The following MSRA variants were observed in gnomAD, a reference collection of about 807,000 sequenced individuals.
MSRA encodes the protein methionine sulfoxide reductase A.
In MSRA, 54 loss-of-function variants were observed where a neutral mutation model predicts 31.3. That is an observed-to-expected ratio of 1.73 (90% CI 1.39 to 2.17). MSRA has a LOEUF of 2.17. MSRA is among the 30% of genes most tolerant of loss of function. The probability of loss-of-function intolerance (pLI) is 0.00; values close to 1 mark genes in which losing one functional copy is unlikely to be tolerated. For missense variants in MSRA, 507 were observed against 300.9 expected (o/e 1.69, Z -5.07); for synonymous variants, 169 against 116.5 (o/e 1.45, Z -2.90).
intron 3 of MSRA, among the ~76,000 whole-genome samples, chr8:10,261,539 C>CT (rs547773582): frequency 9.2e-5 from 14 of 151,626 alleles, no homozygotes; most frequent in East Asian, 1.9e-4. Context: ...TCTACAAAAC[C>CT]TTTTTTTTAA....
intron 1 of MSRA, among the ~76,000 whole-genome samples, chr8:10,117,994 G>A (rs569584854): frequency 6.6e-6 from 1 of 152,268 alleles, no homozygotes; most frequent in Non-Finnish European, 1.5e-5. Flanking sequence ...CTCTGAGAGA[G>A]GTTTAATTTT....
At chr8:10,283,299 C>T (rs544714504) in intron 3 of MSRA, among the ~76,000 whole-genome samples, 1 of 152,194 alleles carries the variant, frequency 6.6e-6, no homozygotes, top group South Asian at 2.1e-4. Context: ...AAAAATTGCA[C>T]ATCATTTTTA....
rs146116716 is a variant in MSRA, at chr8:10,411,716, A to G, written c.544-16432A>G. Among the ~76,000 whole-genome samples the G allele has an allele frequency of 5.9e-3, 904 of 152,186 alleles. 10 individuals are homozygous for G. Among genetic ancestry groups the G allele is most frequent in the African/African-American group, 0.021 (853 of 41,562 alleles). ...ACCTTTATTGTCTTAATCAGTGAAT[A>G]AAAAAAATAAAGTTGCTAAGTCTCA... On this transcript the variant is annotated intron_variant, in intron 5 of 5. Transcript: ENST00000317173.
chr8:10,245,075 T>C (rs778267805), intron 2 of MSRA, 29 bp from the exon 3 acceptor site: 9 of 1,607,040 alleles, frequency 5.6e-6, no homozygotes, highest in African/African-American at 4.0e-5. Context: ...ATAATCAGTA[T>C]CCTTTTTTTT....
chr8:10,281,679 A>G (rs540546482), intron 3 of MSRA, among the ~76,000 whole-genome samples: 2 of 152,298 alleles, frequency 1.3e-5, no homozygotes, highest in African/African-American at 4.8e-5. Context: ...TCAAATCTAC[A>G]CAATGACCGG....
intron 3 of MSRA, among the ~76,000 whole-genome samples, chr8:10,258,203 G>A (rs1359856081): frequency 6.6e-6 from 1 of 152,158 alleles, no homozygotes; most frequent in Non-Finnish European, 1.5e-5. Context: ...CAGAATGGAC[G>A]CAGGGACAGT....
At chr8:10,213,688 G>A (rs1033234011) in intron 2 of MSRA, among the ~76,000 whole-genome samples, 1 of 151,488 alleles carries the variant, frequency 6.6e-6, no homozygotes, top group East Asian at 1.9e-4. Context: ...TGCCTGCCTC[G>A]GCCTCCCCAG....
chr8:10,401,242 A>G (rs1442316113), intron 5 of MSRA, among the ~76,000 whole-genome samples: 2 of 152,352 alleles, frequency 1.3e-5, no homozygotes, highest in East Asian at 3.9e-4. Flanking sequence ...AAAATGGGCA[A>G]GGGACTTTGA....
intron 3 of MSRA, among the ~76,000 whole-genome samples, chr8:10,247,041 C>T (rs1269783584): frequency 6.6e-6 from 1 of 152,184 alleles, no homozygotes; most frequent in Admixed American, 6.5e-5. Context: ...TATCCTCAAG[C>T]AGCAAAATGT....
At chr8:10,072,262 G>T (rs1016203559) in intron 1 of MSRA, among the ~76,000 whole-genome samples, 4 of 151,830 alleles carry the variant, frequency 2.6e-5, no homozygotes, top group Admixed American at 2.6e-4. Context: ...AGGCCACTGA[G>T]TGGGGGCTGA....
intron 4 of MSRA, among the ~76,000 whole-genome samples, chr8:10,305,534 C>G (rs937849996): frequency 2.6e-5 from 4 of 151,924 alleles, no homozygotes; most frequent in Non-Finnish European, 5.9e-5. Context: ...CTGCCTCAGC[C>G]TCCTGAGTAG....
intron 5 of MSRA, among the ~76,000 whole-genome samples, chr8:10,390,993 A>C (rs2129179497): frequency 6.6e-6 from 1 of 151,058 alleles, no homozygotes; most frequent in African/African-American, 2.4e-5. Context: ...AAAAAAAAAA[A>C]CAGCACAAGG....
At chr8:10,220,839 T>C (rs1810429744) in intron 2 of MSRA, among the ~76,000 whole-genome samples, 1 of 152,224 alleles carries the variant, frequency 6.6e-6, no homozygotes, top group Non-Finnish European at 1.5e-5. Flanking sequence ...GGAAGAGTTT[T>C]GATTCATCTT....
intron 1 of MSRA, among the ~76,000 whole-genome samples, chr8:10,099,184 AG>A (rs1799372901): frequency 1.3e-5 from 2 of 152,190 alleles, no homozygotes; most frequent in Non-Finnish European, 2.9e-5. Context: ...TACAAAAAGA[AG>A]GCATAGGTTC....
chr8:10,208,110 CG>C, intron 2 of MSRA, among the ~76,000 whole-genome samples: 2 of 152,232 alleles, frequency 1.3e-5, no homozygotes, highest in South Asian at 4.1e-4. Context: ...TATTTTCTCA[CG>C]TTGACAACCA....
intron 1 of MSRA, among the ~76,000 whole-genome samples, chr8:10,149,785 A>T (rs1041638814): frequency 6.6e-6 from 1 of 150,686 alleles, no homozygotes; most frequent in East Asian, 2.0e-4. Flanking sequence ...CAAAGGTGGT[A>T]TGGAAATGAC....
chr8:10,319,874 C>T lies in MSRA; in HGVS notation c.437-9C>T. ...ACCGGGTAACCCTCCCTGTTTTCTG[C>T]TTTCCTAGGTATGCGCCAGGGGAAC... is the stretch of plus-strand genomic sequence containing the variant. On this transcript the variant is annotated splice_polypyrimidine_tract_variant and intron_variant, in intron 4 of 5. Transcript: ENST00000317173. The T allele has an allele frequency of 6.6e-7, 1 of 1,504,298 alleles. No homozygotes were observed. The allele number at this position is 1,504,298 out of a possible 1,614,324, so 93.2% of individuals were successfully genotyped here.
intron 3 of MSRA, among the ~76,000 whole-genome samples, chr8:10,283,156 A>ACTCTCTCTCTCTCT (rs1306331077): frequency 7.1e-5 from 6 of 85,036 alleles, no homozygotes; most frequent in Non-Finnish European, 1.3e-4. Context: ...ACACACACAC[A>ACTCTCTCTCTCTCT]CACACTCTCA....
At chr8:10,306,101 G>A (rs1801126259) in intron 4 of MSRA, among the ~76,000 whole-genome samples, 1 of 152,128 alleles carries the variant, frequency 6.6e-6, no homozygotes, top group Non-Finnish European at 1.5e-5. Context: ...GGGGTACCCA[G>A]ACTCCCACTG....
Sources: gnomAD v4.1 joint callset for allele counts (sites outside exome capture counted in the v4.1 genomes callset) on GRCh38, gnomAD v4.1.1 for gene constraint, MANE v1.5 for transcripts, NCBI Gene and HGNC (gene_info 2026-07-23, HGNC 2026-07-21) for gene names.